The following NME7 variants were observed in gnomAD, a reference collection of about 807,000 sequenced individuals.
NME7 encodes NME/NM23 family member 7.
Under a neutral mutation model 49.1 loss-of-function variants are expected in NME7, and 41 were observed. The observed-to-expected ratio is 0.83, with a 90% CI of 0.65 to 1.08. The LOEUF (loss-of-function observed/expected upper bound fraction) is 1.08. Ranked by LOEUF, NME7 falls within the 50% of genes least tolerant of loss-of-function variation. The pLI is 0.00. For synonymous variants in NME7, 139 were observed against 150.6 expected (o/e 0.92, Z 0.56); for missense variants, 423 against 463.4 (o/e 0.91, Z 0.80).
chr1:169,274,675 T>C (rs1335646447), intron 7 of NME7, among the ~76,000 whole-genome samples: 1 of 134,038 alleles, frequency 7.5e-6, no homozygotes, highest in Admixed American at 7.3e-5. Flanking sequence ...AGTTTCAGCT[T>C]TCTACATATG....
At position 169,269,921 on chromosome 1, in the gene NME7, A is replaced by C. The variant is rs1458212338; in HGVS notation, c.754+17382T>G. The stretch of plus-strand genomic sequence containing the variant: ...AGGTATAGAATACAATTTCCAATTT[A>C]TTTATTTTTCTCTATCTCTCTCTCT... On this transcript the variant is annotated intron_variant, in intron 7 of 11. Coordinates refer to ENST00000367811, the MANE Select transcript of NME7 (RefSeq NM_013330.5). Among the ~76,000 whole-genome samples the C allele has an allele frequency of 1.5e-5, 2 of 133,690 alleles. 1 individual carries two copies. Among genetic ancestry groups the C allele is most frequent in the South Asian group, 4.6e-4 (2 of 4,330 alleles). 87.7% of individuals were successfully genotyped at this position (133,690 alleles called of 152,430 possible). A position where few individuals can be genotyped will look rare whatever the true frequency, so the allele number is the denominator to read the frequency against.
Position 169,171,691 on chromosome 1 carries a change from G to A in NME7, c.991-2137C>T, listed in dbSNP as rs945433356. 5.3e-5 allele frequency among the ~76,000 whole-genome samples: 8 copies of A among 152,058 alleles called. No homozygotes were observed. The East Asian group carries it at 9.7e-4, about 18-fold the overall frequency. ...GGCAGAAGAATGGCTTGAACCCGGC[G>A]GTGCGGAGGTTGCAGTGAGCCGAGA... On this transcript the variant is annotated intron_variant, in intron 10 of 11. Transcript: ENST00000367811.
At chr1:169,366,820 G>A (rs964308130) in intron 1 of NME7, among the ~76,000 whole-genome samples, 1 of 152,254 alleles carries the variant, frequency 6.6e-6, no homozygotes, top group African/African-American at 2.4e-5. Context: ...TGGGTCAGGG[G>A]AAAACTGGGG....
intron 1 of NME7, among the ~76,000 whole-genome samples, chr1:169,354,075 C>A (rs1653286795): frequency 6.6e-6 from 1 of 152,012 alleles, no homozygotes; most frequent in African/African-American, 2.4e-5. Flanking sequence ...GAAATCAGTA[C>A]AACAAAGAGT....
chr1:169,191,463 G>A (rs555348318), intron 10 of NME7, among the ~76,000 whole-genome samples: 2 of 152,288 alleles, frequency 1.3e-5, no homozygotes, highest in African/African-American at 2.4e-5. Flanking sequence ...GAATCTAAGA[G>A]TTTACTGGGA....
intron 1 of NME7, among the ~76,000 whole-genome samples, chr1:169,338,281 C>T (rs182079000): frequency 6.6e-6 from 1 of 152,168 alleles, no homozygotes; most frequent in East Asian, 1.9e-4. Context: ...AATGTTACTT[C>T]AAGACAATAT....
chr1:169,349,221 C>T (rs1443139451), intron 1 of NME7, among the ~76,000 whole-genome samples: 1 of 151,966 alleles, frequency 6.6e-6, no homozygotes, highest in Admixed American at 6.6e-5. Context: ...GAAGAGCAGC[C>T]TCCTTTTGTT....
chr1:169,335,791 T>G (rs531900453), intron 1 of NME7, among the ~76,000 whole-genome samples: 48 of 147,622 alleles, frequency 3.3e-4, no homozygotes, highest in Admixed American at 7.5e-4. Flanking sequence ...TCAGAAGAGA[T>G]ATATATATAT....
At chr1:169,367,616 C>A in intron 1 of NME7, 92 bp downstream of exon 1, 1 of 1,447,142 alleles carries the variant, frequency 6.9e-7, no homozygotes, top group Non-Finnish European at 9.7e-7. Context: ...TCGGGAGGAC[C>A]GGACAACTTT....
intron 7 of NME7, among the ~76,000 whole-genome samples, chr1:169,279,088 G>C (rs1649883820): frequency 6.6e-6 from 1 of 152,184 alleles, no homozygotes; most frequent in African/African-American, 2.4e-5. Flanking sequence ...GTGTCAGTCT[G>C]CCCCTCCTGT....
chr1:169,274,131 T>C (rs925423915), intron 7 of NME7, among the ~76,000 whole-genome samples: 1 of 131,424 alleles, frequency 7.6e-6, no homozygotes, highest in African/African-American at 2.6e-5. Flanking sequence ...GCACCTGTTG[T>C]ATCCTGACTT....
At chr1:169,325,498 T>C (rs1230214332) in intron 1 of NME7, among the ~76,000 whole-genome samples, 4 of 151,504 alleles carry the variant, frequency 2.6e-5, no homozygotes, top group Non-Finnish European at 4.4e-5. Flanking sequence ...AAGTCAAAGA[T>C]GGGTCCTTTT....
chr1:169,156,773 G>A (rs1557965677), intron 11 of NME7, among the ~76,000 whole-genome samples: 5 of 152,168 alleles, frequency 3.3e-5, no homozygotes, highest in Admixed American at 2.0e-4. Flanking sequence ...GGATATAGGA[G>A]GGAATGTGAA....
intron 7 of NME7, among the ~76,000 whole-genome samples, chr1:169,277,450 T>C (rs1381863969): frequency 8.1e-6 from 1 of 123,122 alleles, no homozygotes; most frequent in Non-Finnish European, 1.8e-5. Flanking sequence ...ATGGCCTTCT[T>C]TGTCTCTTTT....
intron 11 of NME7, among the ~76,000 whole-genome samples, chr1:169,145,217 T>A (rs1658714236): frequency 6.6e-6 from 1 of 152,204 alleles, no homozygotes; most frequent in African/African-American, 2.4e-5. Flanking sequence ...GTTTTCAACT[T>A]GCGGTTTTTA....
chr1:169,250,424 C>T (rs142795746), intron 7 of NME7, among the ~76,000 whole-genome samples: 1 of 152,044 alleles, frequency 6.6e-6, no homozygotes, highest in Non-Finnish European at 1.5e-5. Flanking sequence ...CTTTTAGTGT[C>T]ATTGATCTTT....
chr1:169,273,412 G>A (rs572115850), intron 7 of NME7, among the ~76,000 whole-genome samples: 2 of 132,736 alleles, frequency 1.5e-5, no homozygotes, highest in Admixed American at 1.5e-4. Context: ...AGGCTGCATA[G>A]TATTCCATGG....
chr1:169,230,664 TA>T, intron 10 of NME7, 53 bp downstream of exon 10: 1 of 1,223,806 alleles, frequency 8.2e-7, no homozygotes, highest in South Asian at 1.9e-5. Flanking sequence ...TTAAACCTGT[TA>T]AAATAGTGAA....
At chr1:169,136,270 G>A (rs1395334618) in intron 11 of NME7, among the ~76,000 whole-genome samples, 2 of 152,192 alleles carry the variant, frequency 1.3e-5, no homozygotes, top group Non-Finnish European at 2.9e-5. Flanking sequence ...TAGGCCTTGG[G>A]GAGGTTCTGA....
Sources: allele counts gnomAD v4.1 joint callset (sites outside exome capture counted in the v4.1 genomes callset), GRCh38; gene constraint gnomAD v4.1.1; transcripts MANE v1.5; gene names NCBI Gene and HGNC (gene_info 2026-07-23, HGNC 2026-07-21).